ROBO2: variants seen among roughly 807,000 people sequenced by gnomAD.
ROBO2 encodes roundabout guidance receptor 2.
A neutral mutation model predicts 160.8 loss-of-function variants in ROBO2; 53 were observed. That is an observed-to-expected ratio of 0.33 (90% CI 0.26 to 0.41). The LOEUF (loss-of-function observed/expected upper bound fraction) is 0.41. ROBO2 is among the 10% of genes least tolerant of loss of function. The pLI is 1.00. For missense variants in ROBO2, 1,577 were observed against 1,722.4 expected (o/e 0.92, Z 1.49); for synonymous variants, 664 against 611.7 (o/e 1.09, Z -1.26).
chr3:76,454,578 C>G (rs1304628245), intron 2 of ROBO2, among the ~76,000 whole-genome samples: 1 of 152,080 alleles, frequency 6.6e-6, no homozygotes. Context: ...ATATGAACAA[C>G]TATTTAACTT....
At chr3:76,435,486 A>G (rs2076631505) in intron 2 of ROBO2, 1 of 691,836 alleles carries the variant, frequency 1.4e-6, no homozygotes, top group Admixed American at 2.2e-5. Flanking sequence ...ATCTGTATCA[A>G]GATGGTTCTT....
intron 2 of ROBO2, among the ~76,000 whole-genome samples, chr3:76,038,488 C>T (rs1448137492): frequency 3.9e-5 from 6 of 151,904 alleles, no homozygotes; most frequent in Non-Finnish European, 7.4e-5. Flanking sequence ...GCCTCAACTA[C>T]CTGCAACCCA....
At chr3:76,456,239 A>G (rs1272282754) in intron 2 of ROBO2, among the ~76,000 whole-genome samples, 1 of 152,220 alleles carries the variant, frequency 6.6e-6, no homozygotes, top group African/African-American at 2.4e-5. Flanking sequence ...AACTGCAAAG[A>G]TAAAACTCCC....
chr3:76,585,213 GGAAATTAAGGGA>G (rs2085957702), intron 2 of ROBO2, among the ~76,000 whole-genome samples: 2 of 152,040 alleles, frequency 1.3e-5, no homozygotes, highest in Non-Finnish European at 2.9e-5. Flanking sequence ...TCATAAAACT[GGAAATTAAGGGA>G]CTTTATTTTA....
At chr3:77,226,280 C>A (rs752656351) in intron 2 of ROBO2, among the ~76,000 whole-genome samples, 12 of 151,270 alleles carry the variant, frequency 7.9e-5, no homozygotes, top group Admixed American at 7.9e-4. Context: ...GACCGTTGTA[C>A]GTGAATATTT....
intron 2 of ROBO2, among the ~76,000 whole-genome samples, chr3:77,326,672 C>A (rs1195284828): frequency 6.6e-6 from 1 of 152,036 alleles, no homozygotes; most frequent in East Asian, 1.9e-4. Context: ...AATTGTGATT[C>A]TCTAATTCGA....
At chr3:76,632,778 TG>T (rs1257694637) in intron 2 of ROBO2, among the ~76,000 whole-genome samples, 51 of 152,300 alleles carry the variant, frequency 3.3e-4, no homozygotes, top group African/African-American at 1.2e-3. Flanking sequence ...TCCTCTACAT[TG>T]GGATGTCTAA....
At chr3:76,741,136 G>C (rs2093795731) in intron 2 of ROBO2, among the ~76,000 whole-genome samples, 1 of 151,872 alleles carries the variant, frequency 6.6e-6, no homozygotes, top group African/African-American at 2.4e-5. Context: ...TCGGTTTATA[G>C]GCTAACACAT....
intron 1 of ROBO2, among the ~76,000 whole-genome samples, chr3:77,065,998 A>G (rs2066801839): frequency 6.6e-6 from 1 of 152,162 alleles, no homozygotes; most frequent in Admixed American, 6.5e-5. Context: ...TTCTTACTAC[A>G]AAGGAAAATG....
intron 6 of ROBO2, among the ~76,000 whole-genome samples, 147 bp from the exon 8 acceptor site, chr3:77,546,177 ATGTCTTTCTTTTTG>A (rs2092690402): frequency 6.6e-6 from 1 of 152,120 alleles, no homozygotes; most frequent in Non-Finnish European, 1.5e-5. Flanking sequence ...ATTGAATATA[ATGTCTTTCTTTTTG>A]TGTTTTGAGA....
intron 2 of ROBO2, among the ~76,000 whole-genome samples, chr3:77,331,457 G>A (rs1295960265): frequency 6.6e-6 from 1 of 152,080 alleles, no homozygotes; most frequent in Admixed American, 6.6e-5. Flanking sequence ...TATGGTTTAT[G>A]TGCCCCAGAG....
chr3:76,216,831 C>T (rs910963531), intron 2 of ROBO2, among the ~76,000 whole-genome samples: 1 of 152,212 alleles, frequency 6.6e-6, no homozygotes, highest in African/African-American at 2.4e-5. Context: ...CTACAGAACT[C>T]TCCACCCAAA....
rs1299231835 is a variant in ROBO2 at position 76,097,688 on chromosome 3, G to C, written c.109+160086G>C. On this transcript the variant is annotated intron_variant, in intron 2 of 26. Transcript: ENST00000487694. ...ATGGGGACATTTTAAAAAATATGTGGGAAACATGTGCAGAACGTAGGAAGC... is the reference window on the plus strand; with the variant it reads ...ATGGGGACATTTTAAAAAATATGTGCGAAACATGTGCAGAACGTAGGAAGC... Among the ~76,000 whole-genome samples the C allele has an allele frequency of 2.0e-5, 3 of 152,088 alleles. No individual in the cohort carries two copies. In the East Asian group the frequency reaches 5.8e-4, roughly 29 times the overall value.
intron 2 of ROBO2, among the ~76,000 whole-genome samples, chr3:76,552,993 C>G (rs757989287): frequency 8.5e-5 from 13 of 152,194 alleles, no homozygotes; most frequent in South Asian, 2.1e-4. Context: ...TCCAGACGCC[C>G]TGAATAGCAA....
intron 2 of ROBO2, among the ~76,000 whole-genome samples, chr3:76,823,832 C>T (rs1202066545): frequency 6.6e-6 from 1 of 152,120 alleles, no homozygotes; most frequent in East Asian, 1.9e-4. Context: ...TGGATAATAA[C>T]ATCTAAGTTG....
chr3:76,884,548 G>A (rs911937213), intron 2 of ROBO2, among the ~76,000 whole-genome samples: 13 of 152,104 alleles, frequency 8.5e-5, no homozygotes, highest in African/African-American at 2.4e-4. Flanking sequence ...CCAGGCAAGC[G>A]TCCCCTAGGA....
At chr3:76,898,839 A>G (rs2075011888) in intron 2 of ROBO2, among the ~76,000 whole-genome samples, 2 of 152,156 alleles carry the variant, frequency 1.3e-5, no homozygotes, top group African/African-American at 2.4e-5. Flanking sequence ...TGTTAAAAAT[A>G]TATGTTCTAT....
At chr3:77,356,461 A>G (rs995479104) in intron 2 of ROBO2, among the ~76,000 whole-genome samples, 2 of 152,188 alleles carry the variant, frequency 1.3e-5, no homozygotes, top group Non-Finnish European at 2.9e-5. Context: ...GGTTAATAGC[A>G]GTTCATATTC....
At position 76,810,929 on chromosome 3, in the gene ROBO2, G is replaced by A. The variant is rs539276003; in HGVS notation, c.110-287085G>A. On this transcript the variant is annotated intron_variant, in intron 2 of 26. Transcript: ENST00000487694. ...CAGTATGTGAGATGAAGATAATTTG[G>A]TTGTTTATTAATAAGATGCAAGTTA... 1.5e-3 allele frequency among the ~76,000 whole-genome samples: 233 copies of A among 152,156 alleles called. 1 individual carries two copies. The highest frequency in any genetic ancestry group is 5.1e-3 in the African/African-American group (210 of 41,524).
Sources: gnomAD v4.1 joint callset for allele counts (sites outside exome capture counted in the v4.1 genomes callset) on GRCh38, gnomAD v4.1.1 for gene constraint, MANE v1.5 for transcripts, NCBI Gene and HGNC (gene_info 2026-07-23, HGNC 2026-07-21) for gene names.